Variants in JAKMIP3 observed in about 807,000 individuals in gnomAD.
JAKMIP3 encodes janus kinase and microtubule-interacting protein 3.
Under a neutral mutation model 118.5 loss-of-function variants are expected in JAKMIP3, and 58 were observed. The ratio of observed to expected loss-of-function variants is 0.49; its 90% CI spans 0.40 to 0.61. The LOEUF is 0.61. JAKMIP3 is among the 20% of genes least tolerant of loss of function. The probability of loss-of-function intolerance (pLI) is 0.00; values close to 1 mark genes in which losing one functional copy is unlikely to be tolerated. For missense variants in JAKMIP3, 950 were observed against 1,109.0 expected (o/e 0.86, Z 2.04); for synonymous variants, 486 against 451.2 (o/e 1.08, Z -0.98).
At chr10:132,048,349 G>A (rs1303125453) in intron 1 of JAKMIP3, among the ~76,000 whole-genome samples, 1 of 152,180 alleles carries the variant, frequency 6.6e-6, no homozygotes, top group African/African-American at 2.4e-5. Flanking sequence ...GGGTGCTCTC[G>A]GGCTCCCAGG....
At chr10:132,142,095 C>A in intron 11 of JAKMIP3, 47 bp downstream of exon 11, 4 of 1,546,914 alleles carry the variant, frequency 2.6e-6, no homozygotes, top group South Asian at 1.2e-5. Context: ...CGTGCCTTCC[C>A]GCTTGACCCC....
At chr10:132,166,890 T>C in intron 21 of JAKMIP3, 93 bp from the exon 22 acceptor site, 3 of 875,950 alleles carry the variant, frequency 3.4e-6, no homozygotes, top group Non-Finnish European at 5.5e-6. Flanking sequence ...CTGTCTTCAG[T>C]CTGTAATCGC....
chr10:132,041,641 G>A (rs557731639), intron 1 of JAKMIP3, among the ~76,000 whole-genome samples: 53 of 152,330 alleles, frequency 3.5e-4, no homozygotes, highest in African/African-American at 1.2e-3. Flanking sequence ...TGAGCACCAC[G>A]GTCAGGAAAG....
chr10:132,139,467 T>TGTGTGAGTGTGTGTGAGA (rs2052943003), intron 9 of JAKMIP3, among the ~76,000 whole-genome samples: 1 of 150,586 alleles, frequency 6.6e-6, no homozygotes, highest in Non-Finnish European at 1.5e-5. Context: ...TCTGCATGTG[T>TGTGTGAGTGTGTGTGAGA]GTATGTGTGA....
At chr10:132,108,286 A>G (rs1994687) in intron 2 of JAKMIP3, among the ~76,000 whole-genome samples, 152,115 of 152,286 alleles carry the variant, frequency 1, 75,973 homozygotes, top group Middle Eastern at 1. Context: ...GCCGCTCAGC[A>G]TCTGCATCGT....
intron 19 of JAKMIP3, 111 bp downstream of exon 19, chr10:132,154,101 G>A: frequency 3.9e-6 from 3 of 772,220 alleles, no homozygotes; most frequent in Non-Finnish European, 4.3e-6. Context: ...AGGTCGCAGG[G>A]CCCCTAATGG....
chr10:132,099,854 T>C (rs1392586304), intron 1 of JAKMIP3, among the ~76,000 whole-genome samples: 1 of 147,988 alleles, frequency 6.8e-6, no homozygotes, highest in Non-Finnish European at 1.5e-5. Flanking sequence ...ACTGCCACGC[T>C]GTCCGTCTGC....
intron 1 of JAKMIP3, among the ~76,000 whole-genome samples, chr10:132,039,941 G>T (rs1250942183): frequency 6.6e-6 from 1 of 152,234 alleles, no homozygotes; most frequent in Non-Finnish European, 1.5e-5. Flanking sequence ...ACAAGCTCGT[G>T]CTTCTTTGTT....
At chr10:132,151,170 A>G (rs2056121648) in intron 16 of JAKMIP3, among the ~76,000 whole-genome samples, 1 of 151,620 alleles carries the variant, frequency 6.6e-6, no homozygotes, top group Non-Finnish European at 1.5e-5. Flanking sequence ...AAATCCATCA[A>G]TCCATCCACC....
At position 132,117,373 on chromosome 10, in the gene JAKMIP3, G is replaced by A; in HGVS notation, c.432G>A (p.Lys144=). The change falls in exon 3 of 24, where the codon AAG becomes AAA. Residue 144 remains lysine (K), a synonymous_variant. Transcript: ENST00000684848. The surrounding 1 kb of genome is among the most constrained non-coding windows in gnomAD (Gnocchi z 8.6). ...TGTCCGAGGCCAAGGAGGAGGCCAA[G>A]AAGGGGTTCGAGGTGGAGAAGGTCA... The part of the protein sequence containing the change: ...VLLSEAKEEA[K]KGFEVEKVKM... 6.2e-7 allele frequency: 1 copy of A among 1,614,020 alleles called. No homozygotes were observed. Among genetic ancestry groups the A allele is most frequent in the Non-Finnish European group, 8.5e-7 (1 of 1,179,894 alleles).
rs2038047202 is a variant in JAKMIP3, at chr10:132,049,782, C to G, written c.-138+13044C>G. Among the ~76,000 whole-genome samples the G allele has an allele frequency of 6.6e-6, 1 of 152,118 alleles. No individual in the cohort carries two copies. The highest frequency in any genetic ancestry group is 1.5e-5 in the Non-Finnish European group (1 of 68,028). On this transcript the variant is annotated intron_variant, in intron 1 of 23. Transcript: ENST00000657785. The surrounding 1 kb of genome is among the most constrained non-coding windows in gnomAD (Gnocchi z 4.3). ...TACAGGAGTGAGCCACCCTTCCCAGCCCTATGGTGGTTTTTAACAGGGAGG... is the reference window on the plus strand; with the variant it reads ...TACAGGAGTGAGCCACCCTTCCCAGGCCTATGGTGGTTTTTAACAGGGAGG...
intron 3 of JAKMIP3, among the ~76,000 whole-genome samples, chr10:132,124,186 C>T (rs1323122649): frequency 6.6e-6 from 1 of 152,232 alleles, no homozygotes; most frequent in African/African-American, 2.4e-5. Flanking sequence ...GCAGGATTGC[C>T]CCTCCCGGCA....
intron 12 of JAKMIP3, 24 bp from the exon 13 acceptor site, chr10:132,145,494 A>G (rs1157191602): frequency 1.3e-6 from 2 of 1,548,830 alleles, no homozygotes; most frequent in Admixed American, 2.0e-5. Context: ...CAGTGTCTTT[A>G]TTTCTTTCAA....
At chr10:132,178,973 A>C (rs1202194794) in intron 23 of JAKMIP3, among the ~76,000 whole-genome samples, 1 of 152,122 alleles carries the variant, frequency 6.6e-6, no homozygotes, top group East Asian at 1.9e-4. Context: ...GGTATTGATG[A>C]GGGTTCTGCC....
chr10:132,095,736 GT>G (rs2043768759), intron 1 of JAKMIP3, among the ~76,000 whole-genome samples: 1 of 152,232 alleles, frequency 6.6e-6, no homozygotes, highest in Non-Finnish European at 1.5e-5. Flanking sequence ...CTGCAATCTA[GT>G]CCCATCCACC....
intron 8 of JAKMIP3, among the ~76,000 whole-genome samples, 155 bp downstream of exon 8, chr10:132,137,444 G>T (rs2052036295): frequency 6.6e-6 from 1 of 152,248 alleles, no homozygotes; most frequent in South Asian, 2.1e-4. Flanking sequence ...CCTGGCCAAG[G>T]CTGTGCACGG....
chr10:132,111,773 T>C (rs9419207), intron 2 of JAKMIP3, among the ~76,000 whole-genome samples: 58,879 of 151,936 alleles, frequency 0.39, 11,829 homozygotes, highest in East Asian at 0.49. Context: ...TATTATATAT[T>C]ATAAATATGT....
chr10:132,122,129 C>T (rs941858017), intron 3 of JAKMIP3, among the ~76,000 whole-genome samples: 12 of 152,344 alleles, frequency 7.9e-5, no homozygotes, highest in East Asian at 1.9e-4. Context: ...TGGTAAAGAG[C>T]ACAGCACCCC....
chr10:132,086,039 G>A (rs2042354830), intron 1 of JAKMIP3, among the ~76,000 whole-genome samples: 1 of 152,070 alleles, frequency 6.6e-6, no homozygotes, highest in Non-Finnish European at 1.5e-5. Flanking sequence ...TGCCTTTGCT[G>A]TATCCCAGAG....
Sources: gnomAD v4.1 joint callset for allele counts (sites outside exome capture counted in the v4.1 genomes callset) on GRCh38, gnomAD v4.1.1 for gene constraint, Gnocchi (gnomAD v3.1) non-coding constraint, MANE v1.5 for transcripts, NCBI Gene and HGNC (gene_info 2026-07-23, HGNC 2026-07-21) for gene names.